The following SLC26A9 variants were observed in gnomAD, a reference collection of about 807,000 sequenced individuals.
SLC26A9 encodes anion transporter/exchanger protein 9.
In SLC26A9, 46 loss-of-function variants were observed where a neutral mutation model predicts 87.1. That is an observed-to-expected ratio of 0.53 (90% CI 0.42 to 0.67). The LOEUF (loss-of-function observed/expected upper bound fraction) is 0.67, where lower values mean the gene tolerates loss of function less well. Among genes scored for constraint, SLC26A9 ranks in the 30% least tolerant of loss-of-function variants. SLC26A9 has a pLI of 0.00. For missense variants in SLC26A9, 927 were observed against 1,018.3 expected (o/e 0.91, Z 1.22); for synonymous variants, 437 against 409.1 (o/e 1.07, Z -0.82).
chr1:205,923,343 T>G lies in SLC26A9; in HGVS notation c.1651A>C (p.Ile551Leu). ...ANSEIFRQKVIAKTGMDPQKV... is the reference protein window; with the variant it reads ...ANSEIFRQKVLAKTGMDPQKV... Reference sequence around the variant, plus strand: ...CAGGGACTGAGCCTTACCTTGGCGATGACCTTTTGCCTGAAGATCTCTGAG... The same window carrying G: ...CAGGGACTGAGCCTTACCTTGGCGAGGACCTTTTGCCTGAAGATCTCTGAG... Residue 551 changes from isoleucine to leucine, a missense_variant, in exon 15 of 21, where the codon ATC (isoleucine) becomes CTC (leucine). By Grantham distance (5) the Ile-to-Leu change is conservative. Transcript: ENST00000367135. The G allele has an allele frequency of 6.2e-7, 1 of 1,614,186 alleles. No individual in the cohort carries two copies. The highest frequency in any genetic ancestry group is 8.5e-7 in the Non-Finnish European group (1 of 1,180,032).
chr1:205,921,305 T>C (rs6690143), intron 17 of SLC26A9, among the ~76,000 whole-genome samples: 6,933 of 152,058 alleles, frequency 0.046, 489 homozygotes, highest in African/African-American at 0.15. Context: ...TGGCCACTGC[T>C]GGGGGTGTTG....
chr1:205,919,491 C>G, intron 18 of SLC26A9, among the ~76,000 whole-genome samples: 1 of 152,136 alleles, frequency 6.6e-6, no homozygotes, highest in East Asian at 1.9e-4. Context: ...ATTCTCTCCC[C>G]GAACGTGGCC....
At chr1:205,924,658 G>T in intron 12 of SLC26A9, 169 bp from the exon 13 acceptor site, 2 of 597,122 alleles carry the variant, frequency 3.3e-6, no homozygotes, top group Non-Finnish European at 5.8e-6. Context: ...TTGTGCTTTG[G>T]TTACACTTTC....
At chr1:205,938,802 A>G (rs1659621849) in intron 1 of SLC26A9, among the ~76,000 whole-genome samples, 1 of 152,042 alleles carries the variant, frequency 6.6e-6, no homozygotes, top group African/African-American at 2.4e-5. Flanking sequence ...TCTTTCTCCC[A>G]GGATCTCCAT....
chr1:205,927,889 T>G lies in SLC26A9; in HGVS notation c.1101+13A>C. 6.2e-7 allele frequency: 1 copy of G among 1,612,556 alleles called. No individual in the cohort carries two copies. Among genetic ancestry groups the G allele is most frequent in the Non-Finnish European group, 8.5e-7 (1 of 1,179,074 alleles). ...CTGTCCTGCCCAGTCCTGCCGGGGGTGGCCAGAGCTACCTGGTTCGAATCC... is the reference window on the plus strand; with the variant it reads ...CTGTCCTGCCCAGTCCTGCCGGGGGGGGCCAGAGCTACCTGGTTCGAATCC... On this transcript the variant is annotated intron_variant, in intron 9 of 20. Coordinates refer to ENST00000367135, the MANE Select transcript of SLC26A9 (RefSeq NM_052934.4).
Position 205,923,501 on chromosome 1 carries a change from G to T in SLC26A9, c.1566+43C>A, listed in dbSNP as rs78070566. ...TTAAAAAGCAACCTCTTCTTGGGGT[G>T]GTGCAGAGCAAAAGAAGGAGGTCAT... On this transcript the variant is annotated intron_variant, in intron 14 of 20. Transcript: ENST00000367135. The T allele has an allele frequency of 1.9e-6, 3 of 1,613,430 alleles. No individual in the cohort carries two copies. In the African/African-American group the frequency reaches 4.0e-5, roughly 22 times the overall value.
chr1:205,943,201 G>C (rs1659822885), intron 1 of SLC26A9, among the ~76,000 whole-genome samples, 164 bp downstream of exon 1: 1 of 151,492 alleles, frequency 6.6e-6, no homozygotes, highest in African/African-American at 2.4e-5. Flanking sequence ...AGAGGGGAAG[G>C]GCTGGGAGGC....
chr1:205,924,623 G>C (rs1326840107), intron 12 of SLC26A9, 134 bp from the exon 13 acceptor site: 2 of 675,414 alleles, frequency 3.0e-6, no homozygotes, highest in Non-Finnish European at 4.9e-6. Context: ...TCTTTAAATA[G>C]CATTTTTTGC....
chr1:205,938,385 T>C (rs999186626), intron 1 of SLC26A9, among the ~76,000 whole-genome samples: 1 of 152,070 alleles, frequency 6.6e-6, no homozygotes, highest in Non-Finnish European at 1.5e-5. Context: ...ATTGCAAAAA[T>C]TGATCTGCTG....
At chr1:205,917,436 G>A in intron 19 of SLC26A9, 82 bp from the exon 20 acceptor site, 1 of 1,403,674 alleles carries the variant, frequency 7.1e-7, no homozygotes, top group South Asian at 1.2e-5. Flanking sequence ...AAAGGGACAG[G>A]TGGCCGGCTC....
chr1:205,927,467 C>T, intron 10 of SLC26A9, 25 bp downstream of exon 10: 1 of 1,609,112 alleles, frequency 6.2e-7, no homozygotes, highest in Non-Finnish European at 8.5e-7. Flanking sequence ...CCACCTCCCC[C>T]CAACTCCCCT....
At chr1:205,928,222 A>G in intron 8 of SLC26A9, 173 bp from the exon 9 acceptor site, 1 of 753,204 alleles carries the variant, frequency 1.3e-6, no homozygotes. Flanking sequence ...AGGGACCATC[A>G]CTCCTGTTTT....
In SLC26A9 at chr1:205,915,164, C is replaced by T. The variant is rs777160066; in HGVS notation, c.*193G>A. On this transcript the variant is annotated 3_prime_UTR_variant, in exon 21 of 21. Coordinates refer to ENST00000367135, the MANE Select transcript of SLC26A9 (RefSeq NM_052934.4). Reference sequence around the variant, plus strand: ...TCACTCCTGTAAGGGTAGCACCCCCCTGCTGCTGAGAGGCTCTCTCTGGAG... The same window carrying T: ...TCACTCCTGTAAGGGTAGCACCCCCTTGCTGCTGAGAGGCTCTCTCTGGAG... The T allele has an allele frequency of 1.1e-5, 18 of 1,612,686 alleles. No homozygotes were observed. Among genetic ancestry groups the T allele is most frequent in the Admixed American group, 8.3e-5 (5 of 59,954 alleles).
intron 1 of SLC26A9, among the ~76,000 whole-genome samples, chr1:205,938,639 G>T (rs762874748): frequency 1.3e-5 from 2 of 152,048 alleles, no homozygotes; most frequent in African/African-American, 2.4e-5. Context: ...CTTACCTGAG[G>T]TGCCCTGACT....
chr1:205,917,970 G>T (rs970994865), intron 19 of SLC26A9, among the ~76,000 whole-genome samples: 2 of 152,178 alleles, frequency 1.3e-5, no homozygotes, highest in East Asian at 1.9e-4. Flanking sequence ...TTTCCCCAGG[G>T]TTTCCCTCTA....
chr1:205,926,110 G>GT (rs201244473), intron 12 of SLC26A9, among the ~76,000 whole-genome samples: 4,488 of 151,694 alleles, frequency 0.03, 213 homozygotes, highest in African/African-American at 0.1. Flanking sequence ...TATGTTCTAG[G>GT]TTTTTTTTTA....
At chr1:205,934,968 C>T (rs1020041658) in intron 2 of SLC26A9, among the ~76,000 whole-genome samples, 3 of 152,208 alleles carry the variant, frequency 2.0e-5, no homozygotes, top group Admixed American at 6.5e-5. Context: ...CTGAATCAGC[C>T]GTTTCCCCAA....
chr1:205,928,706 G>T, intron 8 of SLC26A9, 121 bp downstream of exon 8: 1 of 873,344 alleles, frequency 1.1e-6, no homozygotes, highest in Non-Finnish European at 1.8e-6. Flanking sequence ...TTCATACATG[G>T]TCAGTGTCAT....
chr1:205,918,490 G>T (rs1216080977), intron 19 of SLC26A9, among the ~76,000 whole-genome samples: 3 of 152,156 alleles, frequency 2.0e-5, no homozygotes, highest in South Asian at 4.1e-4. Context: ...TGAGGAGGAG[G>T]CAGGGAACGA....
Sources: allele counts gnomAD v4.1 joint callset (sites outside exome capture counted in the v4.1 genomes callset), GRCh38; gene constraint gnomAD v4.1.1; transcripts MANE v1.5; gene names NCBI Gene and HGNC (gene_info 2026-07-23, HGNC 2026-07-21).